DYNC1LI1: variants seen among roughly 807,000 people sequenced by gnomAD.
DYNC1LI1 encodes the protein dynein cytoplasmic 1 light intermediate chain 1, also known as cytoplasmic dynein 1 light intermediate chain 1.
Under a neutral mutation model 63.8 loss-of-function variants are expected in DYNC1LI1, and 19 were observed. The ratio of observed to expected loss-of-function variants is 0.30; its 90% CI spans 0.21 to 0.44. The LOEUF (loss-of-function observed/expected upper bound fraction) is 0.44, where lower values mean the gene tolerates loss of function less well. Ranked by LOEUF, DYNC1LI1 falls within the 20% of genes least tolerant of loss-of-function variation. The pLI is 1.00. For missense variants in DYNC1LI1, 565 were observed against 630.2 expected (o/e 0.90, Z 1.11); for synonymous variants, 225 against 232.3 (o/e 0.97, Z 0.28).
At chr3:32,566,278 A>G (rs1698258647) in intron 2 of DYNC1LI1, among the ~76,000 whole-genome samples, 2 of 151,918 alleles carry the variant, frequency 1.3e-5, no homozygotes, top group African/African-American at 4.8e-5. Context: ...CCTCAAAAAT[A>G]AAAATTCTGT....
At chr3:32,566,891 T>C (rs1192213956) in intron 2 of DYNC1LI1, among the ~76,000 whole-genome samples, 3 of 152,230 alleles carry the variant, frequency 2.0e-5, no homozygotes, top group Non-Finnish European at 4.4e-5. Context: ...GTCCTACCTT[T>C]ATTAAAAACA....
At chr3:32,530,767 G>A (rs1306281854) in intron 8 of DYNC1LI1, 2 of 430,186 alleles carry the variant, frequency 4.6e-6, no homozygotes, top group African/African-American at 3.9e-5. Context: ...GCCACCAGTG[G>A]CTACTGAGCA....
At chr3:32,543,449 G>A (rs184496828) in intron 4 of DYNC1LI1, among the ~76,000 whole-genome samples, 103 of 147,606 alleles carry the variant, frequency 7.0e-4, no homozygotes, top group Admixed American at 1.6e-3. Context: ...GCCCAGGCTG[G>A]AGTACAGTGG....
intron 2 of DYNC1LI1, among the ~76,000 whole-genome samples, chr3:32,552,237 C>T (rs1211093561): frequency 7.2e-5 from 11 of 152,184 alleles, no homozygotes; most frequent in Admixed American, 5.2e-4. Context: ...TCCCTGACCA[C>T]CTCATTCATT....
chr3:32,537,871 ACATATATATAT>A lies in DYNC1LI1; in HGVS notation c.739-778_739-768del, dbSNP rs1697795491. 3.0e-5 allele frequency among the ~76,000 whole-genome samples: 3 copies of A among 99,424 alleles called. No individual in the cohort carries two copies. In the South Asian group the frequency reaches 8.1e-4, roughly 27 times the overall value. 65.2% of individuals were successfully genotyped at this position (99,424 alleles called of 152,430 possible). On this transcript the variant is annotated intron_variant, in intron 5 of 12. Coordinates refer to ENST00000273130, the MANE Select transcript of DYNC1LI1 (RefSeq NM_016141.4). ...AAATCTGCTATGTAATTTTTTTGTT[ACATATATATAT>A]ATATAATTTATATATATAATATATA...
chr3:32,545,756 A>C, intron 3 of DYNC1LI1, 93 bp downstream of exon 3: 1 of 862,550 alleles, frequency 1.2e-6, no homozygotes. Flanking sequence ...ACTTCTAGTA[A>C]AAAATTACAC....
chr3:32,548,982 T>C (rs1326066735), intron 2 of DYNC1LI1, among the ~76,000 whole-genome samples: 3 of 152,112 alleles, frequency 2.0e-5, no homozygotes, highest in Admixed American at 6.6e-5. Flanking sequence ...GTAATATCTA[T>C]GATGACAATG....
At chr3:32,544,579 C>T (rs1697926884) in intron 4 of DYNC1LI1, among the ~76,000 whole-genome samples, 1 of 152,014 alleles carries the variant, frequency 6.6e-6, no homozygotes, top group Non-Finnish European at 1.5e-5. Flanking sequence ...ACCAGCCTGG[C>T]CAATATGGTG....
rs943206649 is a variant in DYNC1LI1 at position 32,544,985 on chromosome 3, T to C, written c.459A>G (p.Ser153=). Residue 153 remains serine (S), a synonymous_variant, in exon 4 of 13, where the codon TCA becomes TCG. Transcript: ENST00000273130. ...AAGAATCCAAAGCAGTCCAAGGCTT[T>C]GACATGTCAACAACCAGCATAACTA... is the stretch of plus-strand genomic sequence containing the variant. The part of the protein sequence containing the change: ...DTLVMLVVDM[S]KPWTALDSLQ... 1 of 1,614,138 alleles carries C rather than the reference T, an allele frequency of 6.2e-7. No homozygotes were observed. Among genetic ancestry groups the C allele is most frequent in the African/African-American group, 1.3e-5 (1 of 75,058 alleles).
In DYNC1LI1 at chr3:32,570,729, C is replaced by G. The variant is rs1559447514; in HGVS notation, c.42G>C (p.Pro14=). 1 of 1,607,992 alleles carries G rather than the reference C, an allele frequency of 6.2e-7. No homozygotes were observed. The highest frequency in any genetic ancestry group is 1.4e-5 in the African/African-American group (1 of 74,036). Residue 14 remains proline, a synonymous_variant, in exon 1 of 13, where the codon CCG becomes CCC. Transcript: ENST00000273130. ...CAGTGTAAGTCGAGGATAATCCCGG[C>G]GGAGAAGAACCGAAGGAGCCGACTC... The part of the protein sequence containing the change: ...VGRVGSFGSS[P]PGLSSTYTGG...
chr3:32,559,200 T>C (rs1364674971), intron 2 of DYNC1LI1, among the ~76,000 whole-genome samples: 1 of 151,986 alleles, frequency 6.6e-6, no homozygotes, highest in Non-Finnish European at 1.5e-5. Flanking sequence ...ATCCATTACT[T>C]CTTGATCAGT....
chr3:32,545,929 T>C lies in DYNC1LI1; in HGVS notation c.257A>G (p.Lys86Arg). The change falls in exon 3 of 13, where the codon AAA (lysine) becomes AGA (arginine). Residue 86 changes from lysine (K) to arginine (R), a missense_variant. Lys to Arg is a conservative substitution (Grantham distance 26, BLOSUM62 2). Coordinates refer to ENST00000273130, the MANE Select transcript of DYNC1LI1 (RefSeq NM_016141.4). ...DGAGKTSLIR[K>R]IQGIEEYKKG... ...CTTATACTCCTCTATTCCCTGAATT[T>C]TTCTTATTAAGCTTGTTTTTCCAGC... 6.2e-7 allele frequency: 1 copy of C among 1,612,642 alleles called. No individual in the cohort carries two copies. Among genetic ancestry groups the C allele is most frequent in the Middle Eastern group, 1.7e-4 (1 of 6,060 alleles).
chr3:32,536,860 A>G (rs1029897755), intron 6 of DYNC1LI1, 151 bp downstream of exon 6: 2 of 557,110 alleles, frequency 3.6e-6, no homozygotes, highest in African/African-American at 4.0e-5. Flanking sequence ...AAATGTAAAT[A>G]ATTTGGGAAC....
chr3:32,540,052 G>A (rs1350943300), intron 5 of DYNC1LI1, among the ~76,000 whole-genome samples: 1 of 149,640 alleles, frequency 6.7e-6, no homozygotes, highest in East Asian at 2.0e-4. Flanking sequence ...TTTTTTTTTG[G>A]TAGAGGAGGG....
In DYNC1LI1 at chr3:32,543,119, T is replaced by C. The variant is rs563499883; in HGVS notation, c.568+1757A>G. 5.3e-5 allele frequency among the ~76,000 whole-genome samples: 8 copies of C among 152,272 alleles called. No homozygotes were observed. The South Asian group carries it at 1.7e-3, about 32-fold the overall frequency. The stretch of plus-strand genomic sequence containing the variant: ...ACTTTTGATATGTTCCCAGCTATAC[T>C]GATACTGGTGCTGCTGGTCCAGGGA... On this transcript the variant is annotated intron_variant, in intron 4 of 12. Coordinates refer to ENST00000273130, the MANE Select transcript of DYNC1LI1 (RefSeq NM_016141.4).
rs60912161 is a variant in DYNC1LI1 at position 32,528,112 on chromosome 3, C to CAAAAAAAAAAAAAAAAAAAAAAAAAAAAA, written c.1462+305_1462+333dup. On this transcript the variant is annotated intron_variant, in intron 12 of 12. Coordinates refer to ENST00000273130, the MANE Select transcript of DYNC1LI1 (RefSeq NM_016141.4). ...TGGGCAACAGAACAAGACTCCATCTCAAAAAAAAAAAAAAAAAAAAAAAAA... is the reference window on the plus strand; with the variant it reads ...TGGGCAACAGAACAAGACTCCATCTCAAAAAAAAAAAAAAAAAAAAAAAAAAAAAAAAAAAAAAAAAAAAAAAAAAAAAA... 6.7e-5 allele frequency among the ~76,000 whole-genome samples: 2 copies of CAAAAAAAAAAAAAAAAAAAAAAAAAAAAA among 29,902 alleles called. 1 individual carries two copies. The highest frequency in any genetic ancestry group is 1.5e-4 in the Non-Finnish European group (2 of 13,200). 19.6% of individuals were successfully genotyped at this position (29,902 alleles called of 152,430 possible). A position where few individuals can be genotyped will look rare whatever the true frequency, so the allele number is the denominator to read the frequency against.
At chr3:32,537,657 G>A (rs1192635938) in intron 5 of DYNC1LI1, among the ~76,000 whole-genome samples, 26 of 150,320 alleles carry the variant, frequency 1.7e-4, no homozygotes, top group Admixed American at 1.6e-3. Flanking sequence ...TTGAAATGTC[G>A]CCTGTACAAT....
rs374664156 is a variant in DYNC1LI1 at position 32,570,588 on chromosome 3, G to A, written c.146+37C>T. 2.5e-5 allele frequency: 38 copies of A among 1,544,722 alleles called. 1 individual carries two copies. The Admixed American group carries it at 3.2e-4, about 13-fold the overall frequency. On this transcript the variant is annotated intron_variant, in intron 1 of 12. Coordinates refer to ENST00000273130, the MANE Select transcript of DYNC1LI1 (RefSeq NM_016141.4). ...CCGAGGCGTCCGCGCAAGGCCGGGG[G>A]AGCCAGCGGGGGCTGAGGGAGAGGT...
intron 2 of DYNC1LI1, among the ~76,000 whole-genome samples, chr3:32,563,439 C>T (rs1300326953): frequency 1.3e-5 from 2 of 151,818 alleles, no homozygotes; most frequent in African/African-American, 4.8e-5. Flanking sequence ...TTACAGGCAC[C>T]CATCACCACA....
Sources: allele counts gnomAD v4.1 joint callset (sites outside exome capture counted in the v4.1 genomes callset), GRCh38; gene constraint gnomAD v4.1.1; transcripts MANE v1.5; gene names NCBI Gene and HGNC (gene_info 2026-07-23, HGNC 2026-07-21).